ANTXR1: variants seen among roughly 807,000 people sequenced by gnomAD.
ANTXR1 encodes the protein anthrax toxin receptor 1.
In ANTXR1, 19 loss-of-function variants were observed where a neutral mutation model predicts 78.1. The ratio of observed to expected loss-of-function variants is 0.24; its 90% CI spans 0.17 to 0.36. The LOEUF (loss-of-function observed/expected upper bound fraction) is 0.36, where lower values mean the gene tolerates loss of function less well. Among genes scored for constraint, ANTXR1 ranks in the 10% least tolerant of loss-of-function variants. The pLI is 1.00. For synonymous variants in ANTXR1, 273 were observed against 260.5 expected (o/e 1.05, Z -0.46); for missense variants, 518 against 718.6 (o/e 0.72, Z 3.19).
intron 2 of ANTXR1, among the ~76,000 whole-genome samples, chr2:69,042,167 CAG>C (rs1234129236): frequency 1.3e-5 from 2 of 152,194 alleles, no homozygotes; most frequent in Non-Finnish European, 1.5e-5. Context: ...TTTCTAATCT[CAG>C]TGGGATTTTT....
chr2:69,186,833 A>G (rs968001615), intron 16 of ANTXR1, among the ~76,000 whole-genome samples: 4 of 152,188 alleles, frequency 2.6e-5, no homozygotes, highest in African/African-American at 9.7e-5. Flanking sequence ...GACCAAGACC[A>G]AAGGGCAGCT....
chr2:69,218,658 G>A (rs1675239009), intron 17 of ANTXR1, among the ~76,000 whole-genome samples: 1 of 152,174 alleles, frequency 6.6e-6, no homozygotes, highest in Non-Finnish European at 1.5e-5. Context: ...TGTTCTAGGA[G>A]GGGTAGTACT....
chr2:69,034,634 A>G (rs1015073175), intron 1 of ANTXR1, among the ~76,000 whole-genome samples: 6 of 152,242 alleles, frequency 3.9e-5, no homozygotes, highest in Non-Finnish European at 7.3e-5. Context: ...CTGTGACTAC[A>G]GCTTGCCCAG....
intron 8 of ANTXR1, among the ~76,000 whole-genome samples, chr2:69,090,148 T>C (rs1301648078): frequency 6.6e-6 from 1 of 151,918 alleles, no homozygotes; most frequent in Non-Finnish European, 1.5e-5. Context: ...GCTCACATTT[T>C]CCAGACTTTC....
At chr2:69,039,999 C>T (rs372547889) in intron 1 of ANTXR1, 45 bp from the exon 2 acceptor site, 1 of 1,515,996 alleles carries the variant, frequency 6.6e-7, no homozygotes, top group African/African-American at 1.4e-5. Context: ...AAGGTAAAGA[C>T]AAGTAAACAC....
intron 14 of ANTXR1, among the ~76,000 whole-genome samples, chr2:69,174,998 A>C (rs2104455530): frequency 6.6e-6 from 1 of 152,350 alleles, no homozygotes; most frequent in East Asian, 1.9e-4. Flanking sequence ...CCTGAAAAAG[A>C]AGCATAGAGC....
chr2:69,223,845 C>T (rs1675379866), intron 17 of ANTXR1, among the ~76,000 whole-genome samples: 1 of 152,202 alleles, frequency 6.6e-6, no homozygotes, highest in East Asian at 1.9e-4. Context: ...CTAAAAATTA[C>T]AGATGATTTG....
In ANTXR1 at chr2:69,245,242, C is replaced by T. The variant is rs752462354; in HGVS notation, c.1452C>T (p.Phe484=). The change falls in exon 18 of 18, where the codon TTC becomes TTT. Residue 484 remains phenylalanine (F), a synonymous_variant. Coordinates refer to ENST00000303714, the MANE Select transcript of ANTXR1 (RefSeq NM_032208.3). The stretch of plus-strand genomic sequence containing the variant: ...TTTTCTAGGGGCGCTGCATCAACTT[C>T]ACCAGGGTCAAGAACAACCAGCCAG... ...QPGDTGRCIN[F]TRVKNNQPAK... is the part of the protein sequence containing the mutation. 3.7e-6 allele frequency: 6 copies of T among 1,614,018 alleles called. No individual in the cohort carries two copies. The highest frequency in any genetic ancestry group is 5.1e-6 in the Non-Finnish European group (6 of 1,180,008).
At chr2:69,059,717 C>A (rs774587606) in intron 3 of ANTXR1, among the ~76,000 whole-genome samples, 2 of 152,106 alleles carry the variant, frequency 1.3e-5, no homozygotes, top group Non-Finnish European at 1.5e-5. Context: ...TATAGCATAA[C>A]TTTTATATGC....
intron 13 of ANTXR1, among the ~76,000 whole-genome samples, chr2:69,152,847 G>A (rs1673434040): frequency 6.6e-6 from 1 of 152,086 alleles, no homozygotes; most frequent in Non-Finnish European, 1.5e-5. Flanking sequence ...ATAAAAACCT[G>A]CCTCCTCCCC....
At chr2:69,062,580 A>G (rs1274264774) in intron 3 of ANTXR1, among the ~76,000 whole-genome samples, 1 of 152,250 alleles carries the variant, frequency 6.6e-6, no homozygotes, top group Non-Finnish European at 1.5e-5. Flanking sequence ...CCTAGCTCAC[A>G]AAGAATAAAA....
At chr2:69,087,672 C>T (rs1671096934) in intron 8 of ANTXR1, among the ~76,000 whole-genome samples, 1 of 152,162 alleles carries the variant, frequency 6.6e-6, no homozygotes. Context: ...TAACATCAGC[C>T]TTACCCTGTG....
intron 17 of ANTXR1, among the ~76,000 whole-genome samples, chr2:69,201,316 A>G (rs958180644): frequency 1.3e-5 from 2 of 152,196 alleles, no homozygotes; most frequent in Admixed American, 1.3e-4. Flanking sequence ...GGAAGCTTGC[A>G]TACAGATCTG....
chr2:69,187,320 C>T (rs1009354551), intron 16 of ANTXR1, among the ~76,000 whole-genome samples: 7 of 152,012 alleles, frequency 4.6e-5, no homozygotes, highest in Non-Finnish European at 1.0e-4. Context: ...TTTTCACCCC[C>T]GGATTTACAA....
At chr2:69,187,924 A>C (rs1261329190) in intron 16 of ANTXR1, among the ~76,000 whole-genome samples, 1 of 150,988 alleles carries the variant, frequency 6.6e-6, no homozygotes, top group Non-Finnish European at 1.5e-5. Flanking sequence ...GTCAGGTGTC[A>C]GTTTATAGTG....
chr2:69,212,861 T>C (rs937475289), intron 17 of ANTXR1, among the ~76,000 whole-genome samples: 6 of 151,746 alleles, frequency 4.0e-5, no homozygotes, highest in African/African-American at 1.5e-4. Context: ...CAGGCCAGAG[T>C]GCAGTGGTGA....
intron 3 of ANTXR1, among the ~76,000 whole-genome samples, chr2:69,067,839 G>GA (rs1192981384): frequency 2.0e-5 from 3 of 152,218 alleles, no homozygotes; most frequent in Non-Finnish European, 4.4e-5. Flanking sequence ...CTTGGTGGGG[G>GA]ACACTGCTCT....
chr2:69,140,292 A>G (rs1327286951), intron 12 of ANTXR1, among the ~76,000 whole-genome samples: 1 of 152,220 alleles, frequency 6.6e-6, no homozygotes, highest in Non-Finnish European at 1.5e-5. Context: ...ATAAGGCATA[A>G]AGTAATAAGA....
intron 1 of ANTXR1, among the ~76,000 whole-genome samples, chr2:69,015,010 G>A (rs531388759): frequency 3.4e-4 from 51 of 151,768 alleles, no homozygotes; most frequent in Non-Finnish European, 7.1e-4. Flanking sequence ...GAAAACAGTC[G>A]GAGGTGCTCC....
Sources: allele counts gnomAD v4.1 joint callset (sites outside exome capture counted in the v4.1 genomes callset), GRCh38; gene constraint gnomAD v4.1.1; transcripts MANE v1.5; gene names NCBI Gene and HGNC (gene_info 2026-07-23, HGNC 2026-07-21).